The following SIL1 variants were observed in gnomAD, a reference collection of about 807,000 sequenced individuals.
SIL1 encodes the protein nucleotide exchange factor SIL1.
Under a neutral mutation model 49.1 loss-of-function variants are expected in SIL1, and 40 were observed. The observed-to-expected ratio is 0.81, with a 90% CI of 0.63 to 1.06. SIL1 has a LOEUF of 1.06. SIL1 is among the 50% of genes least tolerant of loss of function. The probability of loss-of-function intolerance (pLI) is 0.00; values close to 1 mark genes in which losing one functional copy is unlikely to be tolerated. For synonymous variants in SIL1, 253 were observed against 250.8 expected, an observed-to-expected ratio of 1.01 and a Z score of -0.08; for missense variants, 500 against 572.6, an observed-to-expected ratio of 0.87 and a Z score of 1.29.
At chr5:139,093,521 C>T (rs146914532) in intron 3 of SIL1, among the ~76,000 whole-genome samples, 7 of 152,272 alleles carry the variant, frequency 4.6e-5, no homozygotes, top group East Asian at 1.9e-4. Context: ...CTGGCCATTG[C>T]GCTGAGGATA....
intron 7 of SIL1, among the ~76,000 whole-genome samples, chr5:138,966,474 G>C (rs887544428): frequency 2.6e-5 from 4 of 151,932 alleles, no homozygotes; most frequent in East Asian, 3.9e-4. Flanking sequence ...CACCCACCAG[G>C]CTTCCTCAGG....
At chr5:139,148,112 TAAA>T (rs34450663) in intron 1 of SIL1, among the ~76,000 whole-genome samples, 1 of 143,966 alleles carries the variant, frequency 6.9e-6, no homozygotes, top group Admixed American at 7.0e-5. Context: ...TAAAGTGCAT[TAAA>T]AAAAAAAAAA....
chr5:139,149,949 A>G (rs1434552625), intron 1 of SIL1, among the ~76,000 whole-genome samples: 1 of 152,214 alleles, frequency 6.6e-6, no homozygotes, highest in African/African-American at 2.4e-5. Context: ...GAACTTCCCC[A>G]TGGTGAATGA....
At chr5:139,063,663 G>T (rs1268770124) in intron 3 of SIL1, among the ~76,000 whole-genome samples, 1 of 152,192 alleles carries the variant, frequency 6.6e-6, no homozygotes. Flanking sequence ...AAACAAATTG[G>T]AAGTGAAGGA....
At chr5:139,126,403 T>A (rs760396683) in intron 2 of SIL1, among the ~76,000 whole-genome samples, 2 of 152,218 alleles carry the variant, frequency 1.3e-5, no homozygotes, top group East Asian at 3.8e-4. Flanking sequence ...TTCATCAGCA[T>A]GCCTTTGTTA....
chr5:139,129,780 A>G (rs766970084), intron 1 of SIL1, among the ~76,000 whole-genome samples: 2 of 152,254 alleles, frequency 1.3e-5, no homozygotes, highest in Non-Finnish European at 2.9e-5. Context: ...TAAAACTTAG[A>G]AGGAAACATA....
chr5:139,121,325 A>G, intron 2 of SIL1, 152 bp from the exon 3 acceptor site: 2 of 1,081,210 alleles, frequency 1.8e-6, no homozygotes, highest in Non-Finnish European at 2.8e-6. Context: ...TCCCAAGGTC[A>G]GCCTCAGAAC....
At chr5:139,047,262 T>C (rs2150450188) in intron 4 of SIL1, among the ~76,000 whole-genome samples, 1 of 152,312 alleles carries the variant, frequency 6.6e-6, no homozygotes, top group South Asian at 2.1e-4. Context: ...CCACTAGAGA[T>C]GGCAAAGCCT....
At chr5:138,975,684 A>G (rs949269254) in intron 7 of SIL1, among the ~76,000 whole-genome samples, 9 of 152,212 alleles carry the variant, frequency 5.9e-5, no homozygotes, top group African/African-American at 2.2e-4. Flanking sequence ...GCTAGGCCAC[A>G]AAAAGAACTG....
intron 3 of SIL1, among the ~76,000 whole-genome samples, chr5:139,081,849 A>G (rs1770087417): frequency 6.6e-6 from 1 of 152,106 alleles, no homozygotes; most frequent in Admixed American, 6.5e-5. Flanking sequence ...ACTGCACTCC[A>G]GCCTGGGCAA....
intron 7 of SIL1, among the ~76,000 whole-genome samples, chr5:138,999,063 G>T (rs1164191639): frequency 1.3e-5 from 2 of 151,826 alleles, no homozygotes; most frequent in East Asian, 3.9e-4. Flanking sequence ...CACTATGTTG[G>T]CCAGGCTGGT....
At chr5:139,178,264 G>A (rs1751922265) in intron 1 of SIL1, among the ~76,000 whole-genome samples, 2 of 152,160 alleles carry the variant, frequency 1.3e-5, no homozygotes, top group Admixed American at 1.3e-4. Flanking sequence ...GCTGACTGAA[G>A]GAAAACAACC....
chr5:139,161,949 G>C (rs549086310), intron 1 of SIL1, among the ~76,000 whole-genome samples: 2 of 151,914 alleles, frequency 1.3e-5, no homozygotes, highest in African/African-American at 4.8e-5. Flanking sequence ...GGAAGTGGTC[G>C]TTGCAGTGAG....
intron 1 of SIL1, among the ~76,000 whole-genome samples, chr5:139,132,809 G>A (rs1170479108): frequency 6.6e-6 from 1 of 152,190 alleles, no homozygotes; most frequent in East Asian, 1.9e-4. Flanking sequence ...TGCTAAAGCT[G>A]AGGGAGAAGG....
chr5:139,112,604 C>G (rs1340813754), intron 3 of SIL1, among the ~76,000 whole-genome samples: 2 of 150,082 alleles, frequency 1.3e-5, no homozygotes, highest in Non-Finnish European at 3.0e-5. Flanking sequence ...AGTGTCTCCG[C>G]CCGGCAGCCA....
At chr5:139,039,652 C>T (rs943107728) in intron 5 of SIL1, among the ~76,000 whole-genome samples, 22 of 152,298 alleles carry the variant, frequency 1.4e-4, no homozygotes, top group South Asian at 2.1e-4. Context: ...GTTTTAGAGT[C>T]TTCCTACATT....
At chr5:139,136,138 G>A (rs753615646) in intron 1 of SIL1, among the ~76,000 whole-genome samples, 1 of 152,122 alleles carries the variant, frequency 6.6e-6, no homozygotes, top group Non-Finnish European at 1.5e-5. Context: ...GCCCTCTCCA[G>A]ATCTCTCCTA....
intron 1 of SIL1, among the ~76,000 whole-genome samples, chr5:139,147,310 C>T (rs1451519515): frequency 6.6e-6 from 1 of 152,186 alleles, no homozygotes; most frequent in African/African-American, 2.4e-5. Context: ...TACCCTGAGA[C>T]ACTCATCTCA....
At chr5:138,991,999 G>T (rs1404002766) in intron 7 of SIL1, among the ~76,000 whole-genome samples, 1 of 152,234 alleles carries the variant, frequency 6.6e-6, no homozygotes, top group African/African-American at 2.4e-5. Context: ...AAGCCTGTAG[G>T]TACTGGACTC....
Sources: allele counts gnomAD v4.1 joint callset (sites outside exome capture counted in the v4.1 genomes callset), GRCh38; gene constraint gnomAD v4.1.1; transcripts MANE v1.5; gene names NCBI Gene and HGNC (gene_info 2026-07-23, HGNC 2026-07-21).